Variants in PREX2 observed in about 807,000 individuals in gnomAD.
The protein encoded by PREX2 is phosphatidylinositol-3,4,5-trisphosphate dependent Rac exchange factor 2.
In PREX2, 107 loss-of-function variants were observed where a neutral mutation model predicts 203.2. The observed-to-expected ratio is 0.53, with a 90% CI of 0.45 to 0.62. The LOEUF (loss-of-function observed/expected upper bound fraction) is 0.62, where lower values mean the gene tolerates loss of function less well. PREX2 is among the 20% of genes least tolerant of loss of function. PREX2 has a pLI of 0.00. For missense variants in PREX2, 1,777 were observed against 1,955.9 expected (o/e 0.91, Z 1.72); for synonymous variants, 672 against 663.6 (o/e 1.01, Z -0.19).
chr8:68,154,798 T>C (rs570362134), intron 34 of PREX2, among the ~76,000 whole-genome samples: 1 of 152,336 alleles, frequency 6.6e-6, no homozygotes, highest in East Asian at 1.9e-4. Context: ...TTATTGAATG[T>C]GCACGGGGCA....
chr8:68,112,149 G>A (rs938827640), intron 25 of PREX2, among the ~76,000 whole-genome samples: 2 of 152,142 alleles, frequency 1.3e-5, no homozygotes, highest in African/African-American at 4.8e-5. Flanking sequence ...AGATGAATTT[G>A]CTGTCTAGTA....
intron 37 of PREX2, among the ~76,000 whole-genome samples, chr8:68,216,850 T>G (rs1812850223): frequency 6.6e-6 from 1 of 151,774 alleles, no homozygotes; most frequent in East Asian, 1.9e-4. Flanking sequence ...CAGCTACTGC[T>G]ACTTGGGAGA....
intron 33 of PREX2, among the ~76,000 whole-genome samples, chr8:68,138,888 A>G (rs1811166089): frequency 6.6e-6 from 1 of 152,144 alleles, no homozygotes; most frequent in African/African-American, 2.4e-5. Context: ...GTATTAGGCT[A>G]GAAGGTGTAA....
intron 23 of PREX2, among the ~76,000 whole-genome samples, chr8:68,102,501 G>A (rs533201973): frequency 6.1e-4 from 93 of 152,306 alleles, no homozygotes; most frequent in African/African-American, 2.2e-3. Context: ...AGCCCTAATA[G>A]GTCATGTAAG....
chr8:68,101,723 G>A (rs1411165922), intron 23 of PREX2, among the ~76,000 whole-genome samples: 1 of 152,184 alleles, frequency 6.6e-6, no homozygotes, highest in Non-Finnish European at 1.5e-5. Context: ...TGTACAAGAA[G>A]GTGTGATACA....
intron 1 of PREX2, among the ~76,000 whole-genome samples, chr8:67,991,782 C>T (rs1806617128): frequency 6.6e-6 from 1 of 152,094 alleles, no homozygotes; most frequent in African/African-American, 2.4e-5. Context: ...GTGGCGATGA[C>T]TGAGGAACAC....
At chr8:68,029,847 C>T (rs1175792198) in intron 5 of PREX2, among the ~76,000 whole-genome samples, 1 of 152,014 alleles carries the variant, frequency 6.6e-6, no homozygotes, top group East Asian at 1.9e-4. Context: ...AAAGACCCTC[C>T]AAATCCCCTA....
chr8:68,018,022 T>C, intron 2 of PREX2, 105 bp downstream of exon 2: 1 of 782,122 alleles, frequency 1.3e-6, no homozygotes, highest in South Asian at 1.5e-5. Context: ...GCAGTTCCAC[T>C]ACAAGTTGCT....
At chr8:68,066,320 T>C (rs943058064) in intron 11 of PREX2, among the ~76,000 whole-genome samples, 2 of 152,114 alleles carry the variant, frequency 1.3e-5, no homozygotes, top group African/African-American at 4.8e-5. Flanking sequence ...AAAATGGCTA[T>C]ATGAATTTAC....
Position 67,976,541 on chromosome 8 carries a change from G to A in PREX2, c.141+24006G>A, listed in dbSNP as rs1563480031. 3.4e-5 allele frequency among the ~76,000 whole-genome samples: 4 copies of A among 117,994 alleles called. 1 individual carries two copies. The highest frequency in any genetic ancestry group is 1.8e-4 in the Admixed American group (2 of 11,342). The allele number at this position is 117,994 out of a possible 152,430, so 77.4% of individuals were successfully genotyped here. A position where few individuals can be genotyped will look rare whatever the true frequency, so the allele number is the denominator to read the frequency against. ...AGACAGAGACAGAGAGAGAGAGACG[G>A]GAGAGAGACAGAGAGAGAGAGACAG... is the stretch of plus-strand genomic sequence containing the variant. On this transcript the variant is annotated intron_variant, in intron 1 of 39. Transcript: ENST00000288368.
chr8:68,151,030 C>G (rs1811423068), intron 34 of PREX2, among the ~76,000 whole-genome samples: 1 of 152,080 alleles, frequency 6.6e-6, no homozygotes, highest in South Asian at 2.1e-4. Flanking sequence ...TACAAATTGC[C>G]CTCTTCTTAT....
At chr8:68,153,854 G>A (rs953859690) in intron 34 of PREX2, among the ~76,000 whole-genome samples, 1 of 152,156 alleles carries the variant, frequency 6.6e-6, no homozygotes, top group African/African-American at 2.4e-5. Context: ...AAAATGTTAT[G>A]TGATTGTGAA....
At chr8:68,024,139 T>C (rs898682390) in intron 4 of PREX2, among the ~76,000 whole-genome samples, 2 of 152,048 alleles carry the variant, frequency 1.3e-5, no homozygotes, top group Non-Finnish European at 2.9e-5. Flanking sequence ...TAGTAACTTA[T>C]TATATTTCTA....
chr8:67,976,537 GAC>G (rs1164544942), intron 1 of PREX2, among the ~76,000 whole-genome samples: 2 of 102,176 alleles, frequency 2.0e-5, no homozygotes, highest in Admixed American at 2.3e-4. Context: ...GAGAGAGAGA[GAC>G]GGGAGAGAGA....
chr8:67,997,398 G>C (rs921589008), intron 1 of PREX2, among the ~76,000 whole-genome samples: 1 of 151,982 alleles, frequency 6.6e-6, no homozygotes, highest in Non-Finnish European at 1.5e-5. Flanking sequence ...TTATAAATTA[G>C]GTACAGTAGG....
At chr8:68,099,898 T>C (rs761199926) in intron 23 of PREX2, 55 bp downstream of exon 23, 1 of 1,413,434 alleles carries the variant, frequency 7.1e-7, no homozygotes, top group East Asian at 2.3e-5. Flanking sequence ...TATTTGAATG[T>C]CAAATTTAAA....
chr8:68,131,029 T>C (rs148122629), intron 31 of PREX2, among the ~76,000 whole-genome samples: 16 of 152,342 alleles, frequency 1.1e-4, no homozygotes, highest in Non-Finnish European at 7.3e-5. Flanking sequence ...GTGTACGCCA[T>C]AGGGCATTTG....
chr8:68,168,432 A>T (rs1026909880), intron 35 of PREX2, among the ~76,000 whole-genome samples: 4 of 152,344 alleles, frequency 2.6e-5, no homozygotes, highest in African/African-American at 9.6e-5. Flanking sequence ...TAATTACATG[A>T]TACCCTGTTC....
chr8:68,227,726 T>C (rs944887791), intron 39 of PREX2, among the ~76,000 whole-genome samples: 7 of 152,172 alleles, frequency 4.6e-5, no homozygotes, highest in African/African-American at 1.7e-4. Context: ...GAGATGGTTG[T>C]TCTGGCATTC....
Sources: allele counts gnomAD v4.1 joint callset (sites outside exome capture counted in the v4.1 genomes callset), GRCh38; gene constraint gnomAD v4.1.1; transcripts MANE v1.5; gene names NCBI Gene and HGNC (gene_info 2026-07-23, HGNC 2026-07-21).